The following ESRRA variants were observed in gnomAD, a reference collection of about 807,000 sequenced individuals.
The protein encoded by ESRRA is steroid hormone receptor ERR1.
A neutral mutation model predicts 35.6 loss-of-function variants in ESRRA; 7 were observed. The observed-to-expected ratio is 0.20, with a 90% CI of 0.11 to 0.37. ESRRA has a LOEUF of 0.37. Among genes scored for constraint, ESRRA ranks in the 10% least tolerant of loss-of-function variants. The pLI is 1.00. For synonymous variants in ESRRA, 223 were observed against 246.9 expected (o/e 0.90, Z 0.91); for missense variants, 378 against 561.7 (o/e 0.67, Z 3.31).
rs2035021953 is a variant in ESRRA, at chr11:64,305,920, T to A, written c.-13+184T>A. On this transcript the variant is annotated intron_variant, in intron 1 of 6. Transcript: ENST00000000442. The surrounding 1 kb of genome is among the most constrained non-coding windows in gnomAD (Gnocchi z 5.8). ...GTCAGGGTTCAGGCGGGATCCGGCGTCCGAGTCCTGGTGGGCCGGCCTGGG... is the reference window on the plus strand; with the variant it reads ...GTCAGGGTTCAGGCGGGATCCGGCGACCGAGTCCTGGTGGGCCGGCCTGGG... Among the ~76,000 whole-genome samples the A allele has an allele frequency of 6.6e-6, 1 of 151,876 alleles. No individual in the cohort carries two copies. Among genetic ancestry groups the A allele is most frequent in the African/African-American group, 2.4e-5 (1 of 41,320 alleles).
chr11:64,306,049 G>A (rs1246940916), intron 1 of ESRRA, among the ~76,000 whole-genome samples: 3 of 152,184 alleles, frequency 2.0e-5, no homozygotes, highest in African/African-American at 4.8e-5. Flanking sequence ...CGAAGTCCCT[G>A]GGGCTGGCCG....
chr11:64,315,398 T>C, intron 6 of ESRRA, 128 bp downstream of exon 6: 1 of 1,193,848 alleles, frequency 8.4e-7, no homozygotes. Context: ...AATGACTTGC[T>C]AGAAGTCAAA....
Position 64,315,793 on chromosome 11 carries a change from G to A in ESRRA, c.1099G>A (p.Ala367Thr), listed in dbSNP as rs1268881240. The A allele has an allele frequency of 1.2e-5, 20 of 1,613,346 alleles. No homozygotes were observed. Among genetic ancestry groups the A allele is most frequent in the South Asian group, 9.9e-5 (9 of 91,056 alleles). ...EALLEYEAGR[A>T]GPGGGAERRR... ...CCTGCTGGAGTATGAAGCCGGCCGG[G>A]CTGGCCCCGGAGGGGGTGCTGAGCG... is the stretch of plus-strand genomic sequence containing the variant. Residue 367 changes from alanine (A) to threonine (T), a missense_variant, in exon 7 of 7, where the codon GCT becomes ACT. By Grantham distance (58) the Ala-to-Thr change is moderately conservative. Coordinates refer to ENST00000000442, the MANE Select transcript of ESRRA (RefSeq NM_004451.5).
intron 2 of ESRRA, among the ~76,000 whole-genome samples, chr11:64,312,893 GA>G (rs2035170072): frequency 6.6e-6 from 1 of 152,190 alleles, no homozygotes; most frequent in Non-Finnish European, 1.5e-5. Flanking sequence ...TGGAGGAGGC[GA>G]GAGCAAGGAG....
intron 3 of ESRRA, 31 bp from the exon 4 acceptor site, chr11:64,314,208 A>G: frequency 6.3e-7 from 1 of 1,592,056 alleles, no homozygotes; most frequent in South Asian, 1.1e-5. Context: ...ACAGCACCAC[A>G]GTCACAGTCC....
In ESRRA at chr11:64,307,394, G is replaced by A; in HGVS notation, c.215G>A (p.Ser72Asn). The change falls in exon 2 of 7, where the codon AGC becomes AAC. Residue 72 changes from serine to asparagine, a missense_variant. Around this residue, in one of 4 missense-constraint regions of ESRRA, gnomAD observed 87 missense variants for 92.6 expected, o/e 0.94. Coordinates refer to ENST00000000442, the MANE Select transcript of ESRRA (RefSeq NM_004451.5). Reference sequence around the variant, plus strand: ...CAGGGCGGTGGGAAGCTGGTGCTCAGCTCCCTGCCCAAGCGCCTCTGCCTG... The same window carrying A: ...CAGGGCGGTGGGAAGCTGGTGCTCAACTCCCTGCCCAAGCGCCTCTGCCTG... Reference protein sequence around the residue: ...GEQGGGKLVLSSLPKRLCLVC... With the variant: ...GEQGGGKLVLNSLPKRLCLVC... 1 of 1,597,592 alleles carries A rather than the reference G, an allele frequency of 6.3e-7. No individual in the cohort carries two copies. Among genetic ancestry groups the A allele is most frequent in the South Asian group, 1.1e-5 (1 of 89,764 alleles).
Position 64,316,243 on chromosome 11 carries a change from G to C in ESRRA, c.*277G>C. 1 of 379,066 alleles carries C rather than the reference G, an allele frequency of 2.6e-6. No homozygotes were observed. The highest frequency in any genetic ancestry group is 4.2e-5 in the East Asian group (1 of 23,774). 23.5% of individuals were successfully genotyped at this position (379,066 alleles called of 1,614,324 possible). A position where few individuals can be genotyped will look rare whatever the true frequency, so the allele number is the denominator to read the frequency against. On this transcript the variant is annotated 3_prime_UTR_variant, in exon 7 of 7. Transcript: ENST00000000442. ...TAGGGGGCCTTGCGGAAGCCATAGG[G>C]GGCTGCACGGGATGCGTGGGAGGCA...
chr11:64,313,906 C>A lies in ESRRA; in HGVS notation c.326-45C>A. 7.0e-7 allele frequency: 1 copy of A among 1,424,448 alleles called. No homozygotes were observed. The highest frequency in any genetic ancestry group is 9.6e-7 in the Non-Finnish European group (1 of 1,044,634). The allele number at this position is 1,424,448 out of a possible 1,614,324, so 88.2% of individuals were successfully genotyped here. On this transcript the variant is annotated intron_variant, in intron 2 of 6. Coordinates refer to ENST00000000442, the MANE Select transcript of ESRRA (RefSeq NM_004451.5). This position sits in a 1 kb window ranked among gnomAD's most constrained non-coding sequence, Gnocchi z 4.0. ...GCTCTCCTGTCAGCTGGGTCCCCTC[C>A]CAGCCCCGGGAGGCCGCCACTGGAG... is the stretch of plus-strand genomic sequence containing the variant.
In ESRRA at chr11:64,311,498, C is replaced by T. The variant is rs1346595390; in HGVS notation, c.326-2453C>T. On this transcript the variant is annotated intron_variant, in intron 2 of 6. Transcript: ENST00000000442. ...TGGCGCGATCTCGGCTCAGTGCAAG[C>T]TCCGCCTCCCGGGTTCAAGCGATTC... Among the ~76,000 whole-genome samples, 4 of 151,256 alleles carry T rather than the reference C, an allele frequency of 2.6e-5. No individual in the cohort carries two copies. In the East Asian group the frequency reaches 7.8e-4, roughly 29 times the overall value.
rs1387383417 is a variant in ESRRA, at chr11:64,313,020, G to A, written c.326-931G>A. On this transcript the variant is annotated intron_variant, in intron 2 of 6. Transcript: ENST00000000442. This position sits in a 1 kb window ranked among gnomAD's most constrained non-coding sequence, Gnocchi z 4.0. Reference sequence around the variant, plus strand: ...AGGGTTTTGAGAAGAGGAGGTACAGGATGTAATGGAGGCTTAATAGGACCC... The same window carrying A: ...AGGGTTTTGAGAAGAGGAGGTACAGAATGTAATGGAGGCTTAATAGGACCC... Among the ~76,000 whole-genome samples, 1 of 152,178 alleles carries A rather than the reference G, an allele frequency of 6.6e-6. No individual in the cohort carries two copies. The highest frequency in any genetic ancestry group is 2.4e-5 in the African/African-American group (1 of 41,446).
In ESRRA at chr11:64,313,970, T is replaced by C; in HGVS notation, c.345T>C (p.Cys115=). The change falls in exon 3 of 7, where the codon TGT becomes TGC. Residue 115 remains cysteine, a synonymous_variant. Coordinates refer to ENST00000000442, the MANE Select transcript of ESRRA (RefSeq NM_004451.5). This position sits in a 1 kb window ranked among gnomAD's most constrained non-coding sequence, Gnocchi z 4.0. ...TGGCAGGGAGCATCGAGTACAGCTG[T>C]CCGGCCTCCAACGAGTGTGAGATCA... The part of the protein sequence containing the change: ...RTIQGSIEYS[C]PASNECEITK... The C allele has an allele frequency of 6.3e-7, 1 of 1,579,768 alleles. No individual in the cohort carries two copies. Among genetic ancestry groups the C allele is most frequent in the Non-Finnish European group, 8.6e-7 (1 of 1,163,186 alleles).
Position 64,313,885 on chromosome 11 carries a change from T to C in ESRRA, c.326-66T>C. 3 of 1,152,992 alleles carry C rather than the reference T, an allele frequency of 2.6e-6. No individual in the cohort carries two copies. The highest frequency in any genetic ancestry group is 3.7e-6 in the Non-Finnish European group (3 of 805,064). The allele number at this position is 1,152,992 out of a possible 1,614,324, so 71.4% of individuals were successfully genotyped here. On this transcript the variant is annotated intron_variant, in intron 2 of 6. Transcript: ENST00000000442. This position sits in a 1 kb window ranked among gnomAD's most constrained non-coding sequence, Gnocchi z 4.0. ...GCTTGCCCGGGGAGAGTCAGGGCTC[T>C]CCTGTCAGCTGGGTCCCCTCCCAGC...
Position 64,315,106 on chromosome 11 carries a change from A to G in ESRRA, c.848A>G (p.Glu283Gly), listed in dbSNP as rs1194734888. 9.3e-6 allele frequency: 15 copies of G among 1,612,320 alleles called. No individual in the cohort carries two copies. The highest frequency in any genetic ancestry group is 9.3e-6 in the Non-Finnish European group (11 of 1,180,006). ...VAQRSLPLQD[E>G]LAFAEDLVLD... ...CAGCGCTCACTGCCACTGCAGGATG[A>G]GCTGGCCTTCGCTGAGGACTTAGTC... Residue 283 changes from glutamate to glycine, a missense_variant, in exon 6 of 7, where the codon GAG becomes GGG. Glu to Gly is a moderately conservative substitution (Grantham distance 98). Transcript: ENST00000000442.
At chr11:64,309,601 A>G (rs893993050) in intron 2 of ESRRA, among the ~76,000 whole-genome samples, 2 of 149,724 alleles carry the variant, frequency 1.3e-5, no homozygotes, top group African/African-American at 2.5e-5. Context: ...TTATGTAACC[A>G]TTGGTTACTT....
At chr11:64,310,155 T>C (rs1267669995) in intron 2 of ESRRA, among the ~76,000 whole-genome samples, 1 of 152,028 alleles carries the variant, frequency 6.6e-6, no homozygotes, top group Admixed American at 6.6e-5. Flanking sequence ...AGCTCTTCAA[T>C]GTTAGACTGC....
At chr11:64,307,643 A>G in intron 2 of ESRRA, 139 bp downstream of exon 2, 2 of 593,904 alleles carry the variant, frequency 3.4e-6, no homozygotes, top group Non-Finnish European at 5.3e-6. Context: ...TCCCAGAGAC[A>G]CTCTTTCCCT....
chr11:64,307,069 GCCTGGC>G, intron 1 of ESRRA, 93 bp from the exon 2 acceptor site: 2 of 989,178 alleles, frequency 2.0e-6, no homozygotes, highest in East Asian at 5.3e-5. Context: ...GGGCTTGGAA[GCCTGGC>G]CCTAGGCCCG....
chr11:64,309,434 CAAA>C (rs5792320), intron 2 of ESRRA, among the ~76,000 whole-genome samples: 5 of 122,598 alleles, frequency 4.1e-5, no homozygotes, highest in Non-Finnish European at 3.2e-5. Flanking sequence ...ACTCTCATCT[CAAA>C]AAAAAAAAAA....
chr11:64,307,303 G>C lies in ESRRA; in HGVS notation c.124G>C (p.Ala42Pro), dbSNP rs61739389. Residue 42 changes from alanine (A) to proline (P), a missense_variant, in exon 2 of 7, where the codon GCT (alanine) becomes CCT (proline). Physicochemically the swap from Ala to Pro is conservative, Grantham distance 27 (BLOSUM62 -1). This residue lies in a region of ESRRA where 87 missense variants were observed against 92.6 expected (regional missense o/e 0.94). Coordinates refer to ENST00000000442, the MANE Select transcript of ESRRA (RefSeq NM_004451.5). The stretch of plus-strand genomic sequence containing the variant: ...TCCTGTGGCCCTGGCCCCTGGTCCA[G>C]CTCCCACTCGCTGCCTCCCAGGCCA... ...EPPVALAPGP[A>P]PTRCLPGHKE... 4 of 1,613,186 alleles carry C rather than the reference G, an allele frequency of 2.5e-6. No individual in the cohort carries two copies. The highest frequency in any genetic ancestry group is 3.4e-6 in the Non-Finnish European group (4 of 1,179,840).
Sources: gnomAD v4.1 joint callset for allele counts (sites outside exome capture counted in the v4.1 genomes callset) on GRCh38, gnomAD v4.1.1 for gene constraint, gnomAD v4.1.1 regional missense constraint, Gnocchi (gnomAD v3.1) non-coding constraint, MANE v1.5 for transcripts, NCBI Gene and HGNC (gene_info 2026-07-23, HGNC 2026-07-21) for gene names.